The following RPF2 variants were observed in gnomAD, a reference collection of about 807,000 sequenced individuals.
RPF2 encodes the protein ribosome production factor 2 homolog.
RPF2 carries 21 observed loss-of-function variants against 38.9 expected under a neutral mutation model. That is an observed-to-expected ratio of 0.54 (90% CI 0.38 to 0.78). The LOEUF is 0.78. Among genes scored for constraint, RPF2 ranks in the 30% least tolerant of loss-of-function variants. The pLI is 0.00. For missense variants in RPF2, 314 were observed against 358.1 expected, an observed-to-expected ratio of 0.88 and a Z score of 0.99; for synonymous variants, 121 against 126.2, an observed-to-expected ratio of 0.96 and a Z score of 0.28.
At chr6:111,013,507 A>G (rs903675663) in intron 7 of RPF2, among the ~76,000 whole-genome samples, 2 of 152,232 alleles carry the variant, frequency 1.3e-5, no homozygotes, top group Non-Finnish European at 2.9e-5. Flanking sequence ...GGCTGGTTAG[A>G]ACTATTGGAT....
chr6:111,008,420 T>TTC (rs1554249427), intron 7 of RPF2, among the ~76,000 whole-genome samples: 5 of 151,530 alleles, frequency 3.3e-5, no homozygotes, highest in African/African-American at 9.7e-5. Context: ...CTTTTTTTTT[T>TTC]CCCTTACCAG....
At chr6:111,016,827 G>T (rs1036645926) in intron 8 of RPF2, among the ~76,000 whole-genome samples, 9 of 151,526 alleles carry the variant, frequency 5.9e-5, no homozygotes, top group African/African-American at 2.2e-4. Flanking sequence ...AGAGGACCCT[G>T]CGGCCTTCCG....
chr6:111,023,056 G>T (rs1171216860), intron 8 of RPF2, among the ~76,000 whole-genome samples: 1 of 152,110 alleles, frequency 6.6e-6, no homozygotes, highest in African/African-American at 2.4e-5. Flanking sequence ...GTGCCACCAC[G>T]CCTGGCTAAT....
At chr6:110,985,432 C>T (rs1771508040) in intron 2 of RPF2, among the ~76,000 whole-genome samples, 1 of 152,126 alleles carries the variant, frequency 6.6e-6, no homozygotes, top group Non-Finnish European at 1.5e-5. Flanking sequence ...ATTTGGCTTA[C>T]TTACATTTTA....
At chr6:110,988,814 G>A (rs1027490391) in intron 2 of RPF2, among the ~76,000 whole-genome samples, 1 of 152,072 alleles carries the variant, frequency 6.6e-6, no homozygotes, top group Admixed American at 6.6e-5. Flanking sequence ...CTATTGACAG[G>A]GCATAGAAAC....
intron 5 of RPF2, among the ~76,000 whole-genome samples, chr6:110,998,342 G>T (rs368478621): frequency 3.3e-5 from 5 of 152,140 alleles, no homozygotes; most frequent in African/African-American, 9.7e-5. Flanking sequence ...TCATATACCA[G>T]TTGAAGTCAG....
Position 111,027,233 on chromosome 6 carries a change from C to G in RPF2, c.*1651C>G, listed in dbSNP as rs570503183. The G allele has an allele frequency of 2.0e-4, 30 of 152,300 alleles. No individual in the cohort carries two copies. Among genetic ancestry groups the G allele is most frequent in the African/African-American group, 7.0e-4 (29 of 41,572 alleles). The allele number at this position is 152,300 out of a possible 1,614,324, so 9.4% of individuals were successfully genotyped here. A position where few individuals can be genotyped will look rare whatever the true frequency, so the allele number is the denominator to read the frequency against. On this transcript the variant is annotated 3_prime_UTR_variant, in exon 10 of 10. Transcript: ENST00000441448. ...ATCCATTCCTTAGCTTTCCCTAGTC[C>G]TCTCCGGATAGCTGTTACTCTCCTC...
chr6:111,016,138 A>G (rs1305660512), intron 8 of RPF2, among the ~76,000 whole-genome samples: 2 of 152,126 alleles, frequency 1.3e-5, no homozygotes, highest in Non-Finnish European at 2.9e-5. Context: ...TCTTGGTTGG[A>G]TTTACAGCAC....
intron 6 of RPF2, among the ~76,000 whole-genome samples, chr6:111,000,717 A>C (rs1212898793): frequency 6.6e-6 from 1 of 152,150 alleles, no homozygotes; most frequent in Non-Finnish European, 1.5e-5. Flanking sequence ...TATTTCACCT[A>C]GACCTCATAG....
At chr6:111,018,810 C>T (rs974280277) in intron 8 of RPF2, among the ~76,000 whole-genome samples, 3 of 152,134 alleles carry the variant, frequency 2.0e-5, no homozygotes, top group Non-Finnish European at 4.4e-5. Context: ...CCTTAAGTCT[C>T]CTGTTTGAGT....
intron 8 of RPF2, among the ~76,000 whole-genome samples, chr6:111,023,026 G>A (rs1192195656): frequency 2.0e-5 from 3 of 152,226 alleles, no homozygotes; most frequent in Non-Finnish European, 2.9e-5. Context: ...AGCCTCCCGA[G>A]TAGCTGGGAC....
At chr6:111,017,637 C>A (rs1772149244) in intron 8 of RPF2, among the ~76,000 whole-genome samples, 1 of 149,802 alleles carries the variant, frequency 6.7e-6, no homozygotes, top group African/African-American at 2.5e-5. Flanking sequence ...AGAGGCGCTC[C>A]CCACATCTCA....
intron 3 of RPF2, among the ~76,000 whole-genome samples, chr6:110,991,207 C>T (rs1771613539): frequency 6.6e-6 from 1 of 152,010 alleles, no homozygotes; most frequent in Admixed American, 6.6e-5. Flanking sequence ...CTTATAATAT[C>T]TAATATAATG....
chr6:111,005,178 G>A (rs945587379), intron 6 of RPF2, among the ~76,000 whole-genome samples: 2 of 152,292 alleles, frequency 1.3e-5, no homozygotes, highest in South Asian at 4.1e-4. Flanking sequence ...TAAGGTTCCG[G>A]GTTTGGAAGT....
At chr6:110,982,448 A>C (rs1771449201) in intron 1 of RPF2, 2 of 389,444 alleles carry the variant, frequency 5.1e-6, no homozygotes. Flanking sequence ...AGCCCTCGGA[A>C]TCCGACAGAT....
chr6:111,000,460 A>G (rs1239575135), intron 6 of RPF2, among the ~76,000 whole-genome samples: 1 of 152,182 alleles, frequency 6.6e-6, no homozygotes, highest in Admixed American at 6.6e-5. Flanking sequence ...AGAATTTTCA[A>G]ATTGAACCCA....
At chr6:110,982,239 G>T in intron 1 of RPF2, 110 bp downstream of exon 1, 2 of 1,266,156 alleles carry the variant, frequency 1.6e-6, no homozygotes, top group Non-Finnish European at 2.3e-6. Context: ...CTAATTACCT[G>T]GGTGGGGGCC....
intron 4 of RPF2, among the ~76,000 whole-genome samples, chr6:110,992,445 C>CTT (rs56993092): frequency 4.9e-5 from 7 of 141,496 alleles, no homozygotes; most frequent in Admixed American, 1.4e-4. Flanking sequence ...GATGTTTTTA[C>CTT]TTTTTTTTTT....
At chr6:110,990,448 A>G (rs543565331) in intron 3 of RPF2, among the ~76,000 whole-genome samples, 77 of 151,778 alleles carry the variant, frequency 5.1e-4, no homozygotes, top group African/African-American at 1.8e-3. Context: ...GAGGTTATGC[A>G]TGTTTGTCAA....
Sources: gnomAD v4.1 joint callset for allele counts (sites outside exome capture counted in the v4.1 genomes callset) on GRCh38, gnomAD v4.1.1 for gene constraint, MANE v1.5 for transcripts, NCBI Gene and HGNC (gene_info 2026-07-23, HGNC 2026-07-21) for gene names.